The following MAPKAP1 variants were observed in gnomAD, a reference collection of about 807,000 sequenced individuals.
MAPKAP1 encodes the protein target of rapamycin complex 2 subunit MAPKAP1.
Under a neutral mutation model 65.7 loss-of-function variants are expected in MAPKAP1, and 20 were observed. The observed-to-expected ratio is 0.30, with a 90% confidence interval of 0.21 to 0.44. The LOEUF is 0.44. MAPKAP1 is among the 20% of genes least tolerant of loss of function. MAPKAP1 has a pLI of 1.00. For missense variants in MAPKAP1, 423 were observed against 648.0 expected (o/e 0.65, Z 3.77); for synonymous variants, 222 against 244.3 (o/e 0.91, Z 0.85).
intron 4 of MAPKAP1, among the ~76,000 whole-genome samples, chr9:125,621,899 T>C (rs562739902): frequency 2.0e-5 from 3 of 152,166 alleles, no homozygotes; most frequent in Non-Finnish European, 4.4e-5. Flanking sequence ...AACCAACAGA[T>C]GAACAGATAA....
At position 125,693,846 on chromosome 9, in the gene MAPKAP1, T is replaced by TATACACACACACAC. The variant is rs10646202; in HGVS notation, c.-70+13124_-70+13125insGTGTGTGTGTGTAT. On this transcript the variant is annotated intron_variant, in intron 1 of 11. Transcript: ENST00000265960. ...ACACACACACATATATATACACACA[T>TATACACACACACAC]ACACACACACACACACACACACACA... Among the ~76,000 whole-genome samples the TATACACACACACAC allele has an allele frequency of 6.5e-3, 886 of 135,540 alleles. 15 individuals carry two copies. Among genetic ancestry groups the TATACACACACACAC allele is most frequent in the African/African-American group, 0.023 (828 of 36,660 alleles). 88.9% of individuals were successfully genotyped at this position (135,540 alleles called of 152,430 possible).
chr9:125,461,967 C>A (rs779350563), intron 10 of MAPKAP1, among the ~76,000 whole-genome samples: 3 of 152,164 alleles, frequency 2.0e-5, no homozygotes, highest in African/African-American at 7.2e-5. Context: ...GGCTGTAGCT[C>A]TTTCATCCAA....
chr9:125,653,706 T>C (rs1054897835), intron 4 of MAPKAP1, among the ~76,000 whole-genome samples: 4 of 152,192 alleles, frequency 2.6e-5, no homozygotes, highest in Non-Finnish European at 4.4e-5. Flanking sequence ...GCCATGGGGA[T>C]TCGAATGGAG....
chr9:125,659,603 C>A (rs1834127865), intron 3 of MAPKAP1, among the ~76,000 whole-genome samples: 1 of 152,014 alleles, frequency 6.6e-6, no homozygotes, highest in South Asian at 2.1e-4. Context: ...TAGATCCCAT[C>A]CCTCTTGCCA....
At chr9:125,692,631 G>A (rs1189599200) in intron 1 of MAPKAP1, among the ~76,000 whole-genome samples, 5 of 152,064 alleles carry the variant, frequency 3.3e-5, no homozygotes, top group African/African-American at 9.7e-5. Context: ...TTTTAGAGGC[G>A]TGAATTTTAT....
intron 10 of MAPKAP1, among the ~76,000 whole-genome samples, chr9:125,451,257 C>G (rs1852937583): frequency 6.6e-6 from 1 of 152,210 alleles, no homozygotes; most frequent in African/African-American, 2.4e-5. Context: ...GTTTTCGACA[C>G]TTCTTAAAGT....
intron 10 of MAPKAP1, among the ~76,000 whole-genome samples, chr9:125,466,141 G>A (rs954586388): frequency 6.6e-6 from 1 of 152,142 alleles, no homozygotes; most frequent in South Asian, 2.1e-4. Flanking sequence ...GTACTTTGGG[G>A]GACTGAGGCA....
intron 10 of MAPKAP1, chr9:125,451,163 C>T (rs1852933904): frequency 6.6e-6 from 1 of 152,150 alleles, no homozygotes; most frequent in African/African-American, 2.4e-5. Flanking sequence ...TGTGATTTCC[C>T]TCCTTCCTCT....
intron 4 of MAPKAP1, among the ~76,000 whole-genome samples, chr9:125,626,377 C>T (rs1445399740): frequency 6.6e-6 from 1 of 152,232 alleles, no homozygotes; most frequent in Non-Finnish European, 1.5e-5. Context: ...GACCCCATTA[C>T]TGGCACAGAA....
At chr9:125,572,503 T>A (rs557350080) in intron 5 of MAPKAP1, among the ~76,000 whole-genome samples, 36 of 152,264 alleles carry the variant, frequency 2.4e-4, no homozygotes, top group Non-Finnish European at 4.4e-4. Context: ...TGAAATATTA[T>A]GTTTCAAGAA....
chr9:125,548,917 T>C (rs1377622792), intron 6 of MAPKAP1, among the ~76,000 whole-genome samples: 1 of 152,168 alleles, frequency 6.6e-6, no homozygotes, highest in African/African-American at 2.4e-5. Flanking sequence ...ATATAATAAG[T>C]TAATACATCA....
chr9:125,692,359 T>C lies in MAPKAP1; in HGVS notation c.-70+14612A>G, dbSNP rs560229559. ...AAAGGAATGAAGTACTGATCCATGC[T>C]ACAACACAGATGAACCTTGAAAATT... On this transcript the variant is annotated intron_variant, in intron 1 of 11. Transcript: ENST00000265960. Among the ~76,000 whole-genome samples the C allele has an allele frequency of 3.9e-5, 6 of 152,368 alleles. No homozygotes were observed. The South Asian group carries it at 1.2e-3, about 32-fold the overall frequency.
chr9:125,596,739 T>C (rs929322762), intron 4 of MAPKAP1: 4 of 503,358 alleles, frequency 7.9e-6, no homozygotes, highest in African/African-American at 5.8e-5. Context: ...TGGCAAGGCC[T>C]AGCTGCTACA....
chr9:125,441,850 G>A (rs768486270), intron 11 of MAPKAP1, among the ~76,000 whole-genome samples: 8 of 152,110 alleles, frequency 5.3e-5, no homozygotes, highest in African/African-American at 1.9e-4. Context: ...AGATGGGGCC[G>A]GGCCTGGCGG....
At chr9:125,587,450 C>T (rs185987156) in intron 4 of MAPKAP1, among the ~76,000 whole-genome samples, 23 of 152,236 alleles carry the variant, frequency 1.5e-4, no homozygotes, top group Non-Finnish European at 3.1e-4. Context: ...CCTGTATTGC[C>T]AGCTACTGGG....
chr9:125,612,139 T>A (rs773746043), intron 4 of MAPKAP1, among the ~76,000 whole-genome samples: 9 of 152,238 alleles, frequency 5.9e-5, no homozygotes, highest in Non-Finnish European at 8.8e-5. Context: ...TATTTTTTGA[T>A]ACATGAGTTA....
intron 4 of MAPKAP1, among the ~76,000 whole-genome samples, chr9:125,656,752 T>C (rs1354047743): frequency 6.6e-6 from 1 of 152,058 alleles, no homozygotes; most frequent in African/African-American, 2.4e-5. Flanking sequence ...CCCACACCAC[T>C]GCCAGACAGC....
At position 125,646,727 on chromosome 9, in the gene MAPKAP1, T is replaced by C. The variant is rs7031824; in HGVS notation, c.498+10924A>G. Among the ~76,000 whole-genome samples, 941 of 152,342 alleles carry C rather than the reference T, an allele frequency of 6.2e-3. 16 individuals are homozygous for C. Among genetic ancestry groups the C allele is most frequent in the African/African-American group, 0.022 (904 of 41,580 alleles). On this transcript the variant is annotated intron_variant, in intron 4 of 11. Coordinates refer to ENST00000265960, the MANE Select transcript of MAPKAP1 (RefSeq NM_001006617.3). ...AAAAAGAACCCAGCAAGTTATTGTT[T>C]TGATACCATAATTAGGAAGAGAAAA...
intron 4 of MAPKAP1, among the ~76,000 whole-genome samples, chr9:125,637,580 C>T (rs1273689827): frequency 6.6e-6 from 1 of 152,148 alleles, no homozygotes; most frequent in African/African-American, 2.4e-5. Flanking sequence ...TAATGGCTTG[C>T]TTTTATTCAT....
Sources: gnomAD v4.1 joint callset for allele counts (sites outside exome capture counted in the v4.1 genomes callset) on GRCh38, gnomAD v4.1.1 for gene constraint, MANE v1.5 for transcripts, NCBI Gene and HGNC (gene_info 2026-07-23, HGNC 2026-07-21) for gene names.